The following PRPF6 variants were observed in gnomAD, a reference collection of about 807,000 sequenced individuals.
PRPF6 encodes the protein pre-mRNA-processing factor 6.
Under a neutral mutation model 118.3 loss-of-function variants are expected in PRPF6, and 42 were observed. The ratio of observed to expected loss-of-function variants is 0.35; its 90% CI spans 0.28 to 0.46. The LOEUF (loss-of-function observed/expected upper bound fraction) is 0.46, where lower values mean the gene tolerates loss of function less well. Among genes scored for constraint, PRPF6 ranks in the 20% least tolerant of loss-of-function variants. The probability of loss-of-function intolerance (pLI) is 1.00; values close to 1 mark genes in which losing one functional copy is unlikely to be tolerated. For missense variants in PRPF6, 662 were observed against 1,255.7 expected (o/e 0.53, Z 7.15); for synonymous variants, 481 against 485.1 (o/e 0.99, Z 0.11).
At chr20:63,999,929 C>G (rs1311792849) in intron 8 of PRPF6, among the ~76,000 whole-genome samples, 170 bp downstream of exon 8, 1 of 150,320 alleles carries the variant, frequency 6.7e-6, no homozygotes, top group African/African-American at 2.4e-5. Context: ...TGCTTGTTTT[C>G]ATGTGGAGTG....
At chr20:64,016,594 C>T in intron 11 of PRPF6, 129 bp from the exon 12 acceptor site, 1 of 1,218,618 alleles carries the variant, frequency 8.2e-7, no homozygotes, top group Admixed American at 2.0e-5. Flanking sequence ...CTCAGATCCC[C>T]AGTAGGCAGT....
At chr20:64,031,682 AAAAAAAAAACAAC>A (rs1422397354) in intron 19 of PRPF6, among the ~76,000 whole-genome samples, 4 of 147,114 alleles carry the variant, frequency 2.7e-5, no homozygotes, top group African/African-American at 8.1e-5. Flanking sequence ...CAAAAAAAAA[AAAAAAAAAACAAC>A]AAAAAAAAAC....
At position 64,029,582 on chromosome 20, in the gene PRPF6, G is replaced by A. The variant is rs943390477; in HGVS notation, c.2546+91G>A. The A allele has an allele frequency of 8.5e-7, 1 of 1,171,088 alleles. No homozygotes were observed. Among genetic ancestry groups the A allele is most frequent in the Non-Finnish European group, 1.3e-6 (1 of 792,980 alleles). The allele number at this position is 1,171,088 out of a possible 1,614,324, so 72.5% of individuals were successfully genotyped here. ...TCTGCCTCTTCCTGGTCATTGTAAA[G>A]ATGCCCGGCAGCAGGGTGGGCTTCC... is the stretch of plus-strand genomic sequence containing the variant. On this transcript the variant is annotated intron_variant, in intron 19 of 20. Transcript: ENST00000266079. The surrounding 1 kb of genome is among the most constrained non-coding windows in gnomAD (Gnocchi z 4.8).
chr20:63,985,196 T>G (rs1303483948), intron 3 of PRPF6, among the ~76,000 whole-genome samples, 171 bp downstream of exon 3: 1 of 152,010 alleles, frequency 6.6e-6, no homozygotes, highest in African/African-American at 2.4e-5. Flanking sequence ...AGACTTAATC[T>G]CTACAAATAA....
Position 63,993,615 on chromosome 20 carries a change from G to A in PRPF6, c.438+130G>A. 3 of 757,114 alleles carry A rather than the reference G, an allele frequency of 4.0e-6. No homozygotes were observed. In the South Asian group the frequency reaches 4.5e-5, roughly 11 times the overall value. 46.9% of individuals were successfully genotyped at this position (757,114 alleles called of 1,614,324 possible). On this transcript the variant is annotated intron_variant, in intron 4 of 20. Coordinates refer to ENST00000266079, the MANE Select transcript of PRPF6 (RefSeq NM_012469.4). ...TAATTTAGGGGGTCATTGCTTAGAAGAAGAAAGTGTTTGCTTCAGTATGTT... is the reference window on the plus strand; with the variant it reads ...TAATTTAGGGGGTCATTGCTTAGAAAAAGAAAGTGTTTGCTTCAGTATGTT...
intron 2 of PRPF6, among the ~76,000 whole-genome samples, chr20:63,983,812 C>G (rs2059082001): frequency 6.6e-6 from 1 of 152,070 alleles, no homozygotes; most frequent in Non-Finnish European, 1.5e-5. Context: ...CGCCACCATG[C>G]CTGGCTAATT....
rs2059291686 is a variant in PRPF6 at position 64,026,485 on chromosome 20, A to C, written c.2028+427A>C. Among the ~76,000 whole-genome samples, 1 of 142,708 alleles carries C rather than the reference A, an allele frequency of 7.0e-6. No individual in the cohort carries two copies. The highest frequency in any genetic ancestry group is 1.5e-5 in the Non-Finnish European group (1 of 65,300). 93.6% of individuals were successfully genotyped at this position (142,708 alleles called of 152,430 possible). On this transcript the variant is annotated intron_variant, in intron 15 of 20. Coordinates refer to ENST00000266079, the MANE Select transcript of PRPF6 (RefSeq NM_012469.4). The surrounding 1 kb of genome is among the most constrained non-coding windows in gnomAD (Gnocchi z 4.4). ...CGCGCCACTGCACTCCAGCCTGGGCAGCAAGAGGGAAACTGTCTCAGCAAC... is the reference window on the plus strand; with the variant it reads ...CGCGCCACTGCACTCCAGCCTGGGCCGCAAGAGGGAAACTGTCTCAGCAAC...
chr20:64,014,253 T>A (rs1321728282), intron 11 of PRPF6, among the ~76,000 whole-genome samples: 1 of 152,162 alleles, frequency 6.6e-6, no homozygotes, highest in East Asian at 1.9e-4. Context: ...CTTGTTTTTT[T>A]ACTTTCTTTC....
chr20:64,014,697 G>A (rs1172978877), intron 11 of PRPF6, among the ~76,000 whole-genome samples: 1 of 151,432 alleles, frequency 6.6e-6, no homozygotes, highest in Admixed American at 6.6e-5. Context: ...AATAAAATGC[G>A]TGTGATACAC....
At chr20:64,003,749 C>T (rs1388347795) in intron 9 of PRPF6, among the ~76,000 whole-genome samples, 2 of 152,208 alleles carry the variant, frequency 1.3e-5, no homozygotes, top group Admixed American at 6.5e-5. Flanking sequence ...GCGCCCGCCA[C>T]CAGGCCTGGC....
At chr20:64,021,888 C>CTG (rs71800785) in intron 12 of PRPF6, among the ~76,000 whole-genome samples, 3,557 of 110,910 alleles carry the variant, frequency 0.032, 115 homozygotes, top group African/African-American at 0.092. Flanking sequence ...AGCCCCGTGT[C>CTG]TGTGTGTGTG....
intron 12 of PRPF6, among the ~76,000 whole-genome samples, chr20:64,021,987 CCT>C (rs1491466089): frequency 8.7e-6 from 1 of 115,316 alleles, no homozygotes; most frequent in Non-Finnish European, 1.7e-5. Flanking sequence ...CGGCCACAGC[CCT>C]GTGTGTGTGT....
At position 64,016,833 on chromosome 20, in the gene PRPF6, G is replaced by T. The variant is rs375443748; in HGVS notation, c.1635G>T (p.Glu545Asp). The T allele has an allele frequency of 1.2e-6, 2 of 1,614,202 alleles. No individual in the cohort carries two copies. The highest frequency in any genetic ancestry group is 1.7e-6 in the Non-Finnish European group (2 of 1,180,024). ...EEEDRKHTWM[E>D]DADSCVAHNA... The stretch of plus-strand genomic sequence containing the variant: ...AAGATCGGAAGCATACCTGGATGGA[G>T]GATGCTGACAGTGTGAGTTGGCAAC... The change falls in exon 12 of 21, where the codon GAG (glutamate) becomes GAT (aspartate). Residue 545 changes from glutamate (E) to aspartate (D), a missense_variant. This residue lies in a region of PRPF6 where 189 missense variants were observed against 323.5 expected (regional missense o/e 0.58). Transcript: ENST00000266079.
rs2059298608 is a variant in PRPF6 at position 64,027,933 on chromosome 20, A to G, written c.2339+197A>G. 6.6e-6 allele frequency among the ~76,000 whole-genome samples: 1 copy of G among 152,060 alleles called. No individual in the cohort carries two copies. Among genetic ancestry groups the G allele is most frequent in the Admixed American group, 6.6e-5 (1 of 15,258 alleles). On this transcript the variant is annotated intron_variant, in intron 17 of 20. Coordinates refer to ENST00000266079, the MANE Select transcript of PRPF6 (RefSeq NM_012469.4). The surrounding 1 kb of genome is among the most constrained non-coding windows in gnomAD (Gnocchi z 6.5). ...GGCCTAGGTACTGTGACAGGCCTGT[A>G]GATGGTTTGATGCAGTTTAATTTGT... is the stretch of plus-strand genomic sequence containing the variant.
chr20:63,984,483 G>GC (rs199583771), intron 2 of PRPF6, among the ~76,000 whole-genome samples: 32 of 151,478 alleles, frequency 2.1e-4, no homozygotes, highest in Admixed American at 8.6e-4. Flanking sequence ...CAAAAATAGT[G>GC]CCCCCCCAAA....
chr20:64,010,126 A>T (rs2059209445), intron 9 of PRPF6, 74 bp from the exon 10 acceptor site: 4 of 1,278,588 alleles, frequency 3.1e-6, no homozygotes, highest in African/African-American at 1.5e-5. Flanking sequence ...CCTGACCAGC[A>T]GCATGCTCAC....
At chr20:64,021,787 C>CGT (rs1177117127) in intron 12 of PRPF6, among the ~76,000 whole-genome samples, 2 of 87,856 alleles carry the variant, frequency 2.3e-5, no homozygotes, top group East Asian at 3.9e-4. Context: ...TGTGTGTGTG[C>CGT]GTGTGTATGC....
intron 6 of PRPF6, among the ~76,000 whole-genome samples, chr20:63,997,479 C>T (rs1399505395): frequency 6.3e-5 from 9 of 143,930 alleles, no homozygotes; most frequent in South Asian, 2.2e-4. Flanking sequence ...TTTTTTGAGA[C>T]GGAGCCTGGC....
intron 1 of PRPF6, among the ~76,000 whole-genome samples, chr20:63,982,351 T>C (rs2059073418): frequency 6.6e-6 from 1 of 151,864 alleles, no homozygotes; most frequent in South Asian, 2.1e-4. Context: ...TTTGTATTTT[T>C]AGTAGAGACA....
Sources: allele counts gnomAD v4.1 joint callset (sites outside exome capture counted in the v4.1 genomes callset), GRCh38; gene constraint gnomAD v4.1.1; regional missense constraint gnomAD v4.1.1; non-coding constraint Gnocchi (gnomAD v3.1); transcripts MANE v1.5; gene names NCBI Gene and HGNC (gene_info 2026-07-23, HGNC 2026-07-21).